Variants in B4GALT1 observed in about 807,000 individuals in gnomAD.
B4GALT1 encodes the protein N-acetyllactosamine synthase.
B4GALT1 carries 16 observed loss-of-function variants against 34.9 expected under a neutral mutation model. The ratio of observed to expected loss-of-function variants is 0.46; its 90% CI spans 0.31 to 0.70. The LOEUF is 0.70. Among genes scored for constraint, B4GALT1 ranks in the 30% least tolerant of loss-of-function variants. The pLI is 0.05. For synonymous variants in B4GALT1, 221 were observed against 218.1 expected, an observed-to-expected ratio of 1.01 and a Z score of -0.12; for missense variants, 445 against 530.5, an observed-to-expected ratio of 0.84 and a Z score of 1.58.
chr9:33,115,450 T>C (rs1017150627), intron 4 of B4GALT1, among the ~76,000 whole-genome samples: 1 of 152,226 alleles, frequency 6.6e-6, no homozygotes, highest in African/African-American at 2.4e-5. Flanking sequence ...CACATCATAA[T>C]GATTTACCAG....
chr9:33,167,200 G>A lies in B4GALT1; in HGVS notation c.-31C>T, dbSNP rs759025118. On this transcript the variant is annotated 5_prime_UTR_variant, in exon 1 of 6. Transcript: ENST00000379731. ...CGCCGCCGCTTTAAGAAGGGTGTGG[G>A]CTACAGGAGGGGAGGCGACCCGCCC... The A allele has an allele frequency of 1.9e-6, 3 of 1,557,236 alleles. No homozygotes were observed. Among genetic ancestry groups the A allele is most frequent in the South Asian group, 1.2e-5 (1 of 85,108 alleles).
chr9:33,182,148 T>C, the B4GALT1 span, among the ~76,000 whole-genome samples: 2 of 152,162 alleles, frequency 1.3e-5, no homozygotes, highest in Non-Finnish European at 2.9e-5. Flanking sequence ...TCTTGCCTCT[T>C]CTAGCTTCTG....
In B4GALT1 at chr9:33,166,753, C is replaced by T. The variant is rs1314437385; in HGVS notation, c.412+5G>A. 2.0e-6 allele frequency: 3 copies of T among 1,503,460 alleles called. No individual in the cohort carries two copies. The highest frequency in any genetic ancestry group is 1.8e-4 in the Middle Eastern group (1 of 5,602). The allele number at this position is 1,503,460 out of a possible 1,614,324, so 93.1% of individuals were successfully genotyped here. A position where few individuals can be genotyped will look rare whatever the true frequency, so the allele number is the denominator to read the frequency against. ...CCTCCGACTGGCGCCGACCCGAGTCCTTACCAAGCAGCGGGGACTCCTCAG... is the reference window on the plus strand; with the variant it reads ...CCTCCGACTGGCGCCGACCCGAGTCTTTACCAAGCAGCGGGGACTCCTCAG... On this transcript the variant is annotated splice_donor_5th_base_variant and intron_variant, in intron 1 of 5. Coordinates refer to ENST00000379731, the MANE Select transcript of B4GALT1 (RefSeq NM_001497.4).
At chr9:33,122,110 T>C (rs1188476343) in intron 2 of B4GALT1, among the ~76,000 whole-genome samples, 1 of 152,222 alleles carries the variant, frequency 6.6e-6, no homozygotes, top group Admixed American at 6.5e-5. Context: ...CCCATCTCTC[T>C]TGGGATCAAC....
Position 33,143,808 on chromosome 9 carries a change from G to A in B4GALT1, c.413-8384C>T, listed in dbSNP as rs866363066. ...TGTGTATTTTCCTCTCTGAAAATGT[G>A]TAACATGTTTTGCTTTCAGCTTTTG... is the stretch of plus-strand genomic sequence containing the variant. On this transcript the variant is annotated intron_variant, in intron 1 of 5. Coordinates refer to ENST00000379731, the MANE Select transcript of B4GALT1 (RefSeq NM_001497.4). Among the ~76,000 whole-genome samples the A allele has an allele frequency of 3.6e-4, 55 of 152,146 alleles. No homozygotes were observed. In the Middle Eastern group the frequency reaches 0.01, roughly 28 times the overall value.
the B4GALT1 span, among the ~76,000 whole-genome samples, chr9:33,181,614 TA>T: frequency 6.6e-6 from 1 of 152,192 alleles, no homozygotes; most frequent in Non-Finnish European, 1.5e-5. Context: ...ACGGGGTCGC[TA>T]TGGCCTGGGT....
chr9:33,184,399 C>T, the B4GALT1 span, among the ~76,000 whole-genome samples: 1 of 152,096 alleles, frequency 6.6e-6, no homozygotes, highest in Admixed American at 6.5e-5. Context: ...TTAATTTACC[C>T]TCTTCAACCA....
intron 1 of B4GALT1, among the ~76,000 whole-genome samples, chr9:33,142,589 A>G (rs745837928): frequency 1.3e-5 from 2 of 151,936 alleles, no homozygotes; most frequent in South Asian, 2.1e-4. Context: ...CCAAGCCACT[A>G]TTTGTTTCTT....
At chr9:33,135,475 G>A (rs760727733) in intron 1 of B4GALT1, 51 bp from the exon 2 acceptor site, 37 of 1,532,942 alleles carry the variant, frequency 2.4e-5, no homozygotes, top group South Asian at 4.6e-5. Flanking sequence ...ACTCGCCACC[G>A]CTCCACAGGC....
chr9:33,170,816 C>G (rs1258428342), upstream of B4GALT1, among the ~76,000 whole-genome samples: 1 of 152,234 alleles, frequency 6.6e-6, no homozygotes, highest in Non-Finnish European at 1.5e-5. Flanking sequence ...CAACCTTTCT[C>G]CCCACTGTCT....
chr9:33,124,059 G>A (rs1323830177), intron 2 of B4GALT1, among the ~76,000 whole-genome samples: 1 of 152,184 alleles, frequency 6.6e-6, no homozygotes, highest in Non-Finnish European at 1.5e-5. Context: ...CAGGGGCCGT[G>A]GGTACACCAG....
intron 1 of B4GALT1, among the ~76,000 whole-genome samples, chr9:33,163,720 A>G (rs1840708411): frequency 6.6e-6 from 1 of 152,262 alleles, no homozygotes; most frequent in Non-Finnish European, 1.5e-5. Context: ...GCAAACACCC[A>G]GGTGGCCAGA....
the B4GALT1 span, among the ~76,000 whole-genome samples, chr9:33,182,933 T>A: frequency 6.6e-6 from 1 of 152,156 alleles, no homozygotes; most frequent in African/African-American, 2.4e-5. Context: ...CATTTAGCCA[T>A]GTTTATTTCA....
the B4GALT1 span, among the ~76,000 whole-genome samples, chr9:33,178,581 A>G: frequency 6.6e-6 from 1 of 152,040 alleles, no homozygotes; most frequent in Non-Finnish European, 1.5e-5. Context: ...CTTTATCCCA[A>G]CCTGTACACA....
intron 1 of B4GALT1, among the ~76,000 whole-genome samples, chr9:33,160,435 C>G (rs1014986761): frequency 6.6e-6 from 1 of 152,200 alleles, no homozygotes; most frequent in Admixed American, 6.5e-5. Context: ...AGGCTATCTA[C>G]ATGAATCTAT....
chr9:33,167,354 G>A (rs1459053463), upstream of B4GALT1: 11 of 746,518 alleles, frequency 1.5e-5, no homozygotes, highest in East Asian at 6.9e-5. Context: ...AGCCGCCCGA[G>A]GCGCCGGCGG....
intron 2 of B4GALT1, among the ~76,000 whole-genome samples, chr9:33,121,131 T>C (rs1251798934): frequency 6.6e-6 from 1 of 152,218 alleles, no homozygotes; most frequent in African/African-American, 2.4e-5. Flanking sequence ...GATGACCACA[T>C]TGTGTGCCTT....
intron 2 of B4GALT1, among the ~76,000 whole-genome samples, chr9:33,123,662 T>C (rs376587412): frequency 6.6e-5 from 10 of 152,210 alleles, no homozygotes; most frequent in Admixed American, 5.2e-4. Context: ...GTCTCTACCA[T>C]AGGACTGGGC....
At chr9:33,176,553 A>G in the B4GALT1 span, among the ~76,000 whole-genome samples, 3 of 152,216 alleles carry the variant, frequency 2.0e-5, no homozygotes, top group African/African-American at 7.2e-5. Context: ...TGTCCTTTGC[A>G]GCAACATAGA....
Sources: gnomAD v4.1 joint callset for allele counts (sites outside exome capture counted in the v4.1 genomes callset) on GRCh38, gnomAD v4.1.1 for gene constraint, MANE v1.5 for transcripts, NCBI Gene and HGNC (gene_info 2026-07-23, HGNC 2026-07-21) for gene names.